The following ARHGAP8 variants were observed in gnomAD, a reference collection of about 807,000 sequenced individuals.
ARHGAP8 encodes the protein Rho GTPase activating protein 8.
In ARHGAP8, 62 loss-of-function variants were observed where a neutral mutation model predicts 46.1. The observed-to-expected ratio is 1.34, with a 90% CI of 1.10 to 1.66. The LOEUF is 1.66. Ranked by LOEUF, ARHGAP8 falls within the 40% of genes most tolerant of loss-of-function variation. The pLI is 0.00. For missense variants in ARHGAP8, 923 were observed against 568.4 expected, an observed-to-expected ratio of 1.62 and a Z score of -6.34; for synonymous variants, 375 against 243.1, an observed-to-expected ratio of 1.54 and a Z score of -5.05.
chr22:44,838,463 A>G (rs954739698), intron 7 of ARHGAP8, among the ~76,000 whole-genome samples: 2 of 152,078 alleles, frequency 1.3e-5, no homozygotes. Context: ...TAGTAGAAAC[A>G]GGGTTTCTCC....
At chr22:44,845,494 C>A in intron 8 of ARHGAP8, 152 bp downstream of exon 8, 2 of 1,050,726 alleles carry the variant, frequency 1.9e-6, no homozygotes, top group Non-Finnish European at 2.7e-6. Context: ...TGGGCTCTGG[C>A]CTCGGATGGT....
chr22:44,842,472 G>A (rs941827139), intron 7 of ARHGAP8, among the ~76,000 whole-genome samples: 9 of 152,210 alleles, frequency 5.9e-5, no homozygotes, highest in African/African-American at 2.2e-4. Context: ...GTGACTGTTT[G>A]TAAGGTTTTT....
At chr22:44,836,279 T>C (rs531048047) in intron 7 of ARHGAP8, among the ~76,000 whole-genome samples, 5 of 152,112 alleles carry the variant, frequency 3.3e-5, no homozygotes, top group Admixed American at 1.3e-4. Context: ...TTGCTCAGGT[T>C]GGTTTCAAAC....
Position 44,795,101 on chromosome 22 carries a change from G to T in ARHGAP8, c.80-6976G>T, listed in dbSNP as rs1043256128. Among the ~76,000 whole-genome samples, 14 of 151,762 alleles carry T rather than the reference G, an allele frequency of 9.2e-5. 1 individual carries two copies. Among genetic ancestry groups the T allele is most frequent in the Admixed American group, 2.6e-4 (4 of 15,258 alleles). ...ATGAAAACAAAATACCAAATTAGTT[G>T]CCCTTCTGGTTTGGGAGGGAGTAAA... On this transcript the variant is annotated intron_variant, in intron 2 of 11. Coordinates refer to ENST00000356099, the MANE Select transcript of ARHGAP8 (RefSeq NM_181335.3).
At chr22:44,762,345 A>C (rs1262322373) in intron 1 of ARHGAP8, among the ~76,000 whole-genome samples, 1 of 152,052 alleles carries the variant, frequency 6.6e-6, no homozygotes, top group East Asian at 1.9e-4. Context: ...CTGAGGTGGG[A>C]GGATCGCTTG....
rs1569152285 is a variant in ARHGAP8, at chr22:44,801,491, ATGTGTGGGGGCACCTCTCCCCGCAGC to A, written c.80-582_80-557del. Among the ~76,000 whole-genome samples the A allele has an allele frequency of 8.0e-3, 482 of 60,592 alleles. 1 individual carries two copies. The highest frequency in any genetic ancestry group is 0.031 in the African/African-American group (467 of 14,888). The allele number at this position is 60,592 out of a possible 152,430, so 39.8% of individuals were successfully genotyped here. ...GGGGCACCTCTCCCCGCAGCTGTCT[ATGTGTGGGGGCACCTCTCCCCGCAGC>A]TGTCTATGTGTGAGGGGCACAGATG... On this transcript the variant is annotated intron_variant, in intron 2 of 11. Coordinates refer to ENST00000356099, the MANE Select transcript of ARHGAP8 (RefSeq NM_181335.3).
intron 3 of ARHGAP8, among the ~76,000 whole-genome samples, chr22:44,804,220 C>G (rs927998284): frequency 6.6e-6 from 1 of 152,202 alleles, no homozygotes; most frequent in Non-Finnish European, 1.5e-5. Context: ...CCTCTTTCAT[C>G]TGTCCCTTGC....
At chr22:44,795,526 A>G (rs1167226929) in intron 2 of ARHGAP8, among the ~76,000 whole-genome samples, 1 of 150,894 alleles carries the variant, frequency 6.6e-6, no homozygotes, top group African/African-American at 2.4e-5. Flanking sequence ...TCCCCACACT[A>G]CCCCAGACAG....
intron 7 of ARHGAP8, among the ~76,000 whole-genome samples, chr22:44,838,176 T>G (rs2147145868): frequency 6.6e-6 from 1 of 151,034 alleles, no homozygotes; most frequent in South Asian, 2.1e-4. Context: ...CTTGCTCTGT[T>G]GCCCAGGCTG....
intron 7 of ARHGAP8, 83 bp from the exon 8 acceptor site, chr22:44,845,186 G>A (rs2069922681): frequency 1.3e-6 from 2 of 1,551,498 alleles, no homozygotes. Flanking sequence ...TCACAGGGGT[G>A]TGGAGAGGAC....
At chr22:44,859,274 G>C (rs2070346761) in intron 10 of ARHGAP8, among the ~76,000 whole-genome samples, 1 of 152,156 alleles carries the variant, frequency 6.6e-6, no homozygotes, top group African/African-American at 2.4e-5. Context: ...TGGATCATGA[G>C]GGCAGATACC....
At chr22:44,802,740 G>C (rs369160990) in intron 3 of ARHGAP8, among the ~76,000 whole-genome samples, 1 of 152,100 alleles carries the variant, frequency 6.6e-6, no homozygotes, top group African/African-American at 2.4e-5. Context: ...CAGCTCCAGG[G>C]GGCCCCAGAT....
At chr22:44,759,126 C>T (rs779445302) in intron 1 of ARHGAP8, among the ~76,000 whole-genome samples, 87 of 152,290 alleles carry the variant, frequency 5.7e-4, no homozygotes, top group Non-Finnish European at 7.9e-4. Context: ...CCACGCTGGG[C>T]CTTGGATCCC....
At chr22:44,798,281 A>C (rs1244320150) in intron 2 of ARHGAP8, among the ~76,000 whole-genome samples, 1 of 151,704 alleles carries the variant, frequency 6.6e-6, no homozygotes, top group Non-Finnish European at 1.5e-5. Flanking sequence ...TGGCCAAAAA[A>C]ATTTTTTTAG....
chr22:44,820,542 G>T (rs770826512), intron 5 of ARHGAP8, among the ~76,000 whole-genome samples: 1 of 152,152 alleles, frequency 6.6e-6, no homozygotes, highest in Non-Finnish European at 1.5e-5. Context: ...ATGGGCAGGC[G>T]GTGAGGACAC....
intron 9 of ARHGAP8, among the ~76,000 whole-genome samples, chr22:44,848,457 G>C (rs942722320): frequency 6.6e-6 from 1 of 152,254 alleles, no homozygotes; most frequent in Non-Finnish European, 1.5e-5. Flanking sequence ...TCTGAGCTGA[G>C]GATGCATTGC....
At chr22:44,763,880 G>A (rs1403178924) in intron 1 of ARHGAP8, among the ~76,000 whole-genome samples, 4 of 148,354 alleles carry the variant, frequency 2.7e-5, no homozygotes, top group African/African-American at 1.0e-4. Flanking sequence ...GCACAATCTC[G>A]GCTTACTGCA....
In ARHGAP8 at chr22:44,862,637, T is replaced by G; in HGVS notation, c.*42T>G. 1.3e-6 allele frequency: 2 copies of G among 1,516,942 alleles called. No homozygotes were observed. Among genetic ancestry groups the G allele is most frequent in the Admixed American group, 4.3e-5 (2 of 46,892 alleles). 94.0% of individuals were successfully genotyped at this position (1,516,942 alleles called of 1,614,324 possible). A position where few individuals can be genotyped will look rare whatever the true frequency, so the allele number is the denominator to read the frequency against. ...TATATTTCGAGCTACCTCCCACACC[T>G]GTCTGTGCACTTGTATGTTTTGTAA... On this transcript the variant is annotated 3_prime_UTR_variant, in exon 12 of 12. Coordinates refer to ENST00000356099, the MANE Select transcript of ARHGAP8 (RefSeq NM_181335.3).
Position 44,854,542 on chromosome 22 carries a change from C to T in ARHGAP8, c.878-5189C>T, listed in dbSNP as rs942203982. On this transcript the variant is annotated intron_variant, in intron 10 of 11. Transcript: ENST00000356099. ...GCCACCATGCCAGGCCCTTGTTATG[C>T]ATTTTTAACCCTACTTCACTAGTAA... is the stretch of plus-strand genomic sequence containing the variant. Among the ~76,000 whole-genome samples the T allele has an allele frequency of 3.9e-5, 6 of 152,040 alleles. No individual in the cohort carries two copies. In the East Asian group the frequency reaches 1.2e-3, roughly 29 times the overall value.
Sources: gnomAD v4.1 joint callset for allele counts (sites outside exome capture counted in the v4.1 genomes callset) on GRCh38, gnomAD v4.1.1 for gene constraint, MANE v1.5 for transcripts, NCBI Gene and HGNC (gene_info 2026-07-23, HGNC 2026-07-21) for gene names.